Variants in FSIP2 observed in about 807,000 individuals in gnomAD.
FSIP2 encodes fibrous sheath-interacting protein 2.
A neutral mutation model predicts 510.5 loss-of-function variants in FSIP2; 367 were observed. The ratio of observed to expected loss-of-function variants is 0.72; its 90% CI spans 0.66 to 0.78. The LOEUF (loss-of-function observed/expected upper bound fraction) is 0.78. Ranked by LOEUF, FSIP2 falls within the 30% of genes least tolerant of loss-of-function variation. The pLI, the probability that FSIP2 is intolerant of heterozygous loss-of-function variation, is 0.00. For missense variants in FSIP2, 7,594 were observed against 7,901.7 expected (o/e 0.96, Z 1.48); for synonymous variants, 2,601 against 2,732.2 (o/e 0.95, Z 1.50).
chr2:185,777,618 T>A (rs1222763155), intron 13 of FSIP2, among the ~76,000 whole-genome samples: 1 of 152,128 alleles, frequency 6.6e-6, no homozygotes, highest in East Asian at 1.9e-4. Flanking sequence ...TAGTGGTGAA[T>A]TTTGACTTTT....
In FSIP2 at chr2:185,801,191, A is replaced by T. The variant is rs1376221756; in HGVS notation, c.11885A>T (p.His3962Leu). The change falls in exon 17 of 23, where the codon CAT becomes CTT. Residue 3962 changes from histidine to leucine, a missense_variant. Physicochemically the swap from His to Leu is moderately conservative, Grantham distance 99. Transcript: ENST00000424728. ...MDKVAIHNKL[H>L]QEGIYAGVYS... ...AAGGTAGCCATTCATAATAAGCTAC[A>T]TCAGGAAGGTATATATGCTGGTGTT... The T allele has an allele frequency of 6.5e-7, 1 of 1,534,206 alleles. No individual in the cohort carries two copies. The highest frequency in any genetic ancestry group is 2.4e-5 in the East Asian group (1 of 40,820).
chr2:185,799,969 G>A lies in FSIP2; in HGVS notation c.10663G>A (p.Glu3555Lys). 6.5e-7 allele frequency: 1 copy of A among 1,527,862 alleles called. No individual in the cohort carries two copies. The highest frequency in any genetic ancestry group is 8.8e-7 in the Non-Finnish European group (1 of 1,141,092). The allele number at this position is 1,527,862 out of a possible 1,614,324, so 94.6% of individuals were successfully genotyped here. Residue 3555 changes from glutamate to lysine, a missense_variant, in exon 17 of 23, where the codon GAA (glutamate) becomes AAA (lysine). Glu to Lys is a moderately conservative substitution (Grantham distance 56). Transcript: ENST00000424728. ...VFESRSISIG[E>K]LALCISEIII... The stretch of plus-strand genomic sequence containing the variant: ...TGAGAGCAGGTCAATTTCCATTGGA[G>A]AACTTGCTTTATGTATTTCTGAAAT...
chr2:185,825,061 T>C (rs888910158), intron 20 of FSIP2, among the ~76,000 whole-genome samples: 3 of 151,846 alleles, frequency 2.0e-5, no homozygotes, highest in Non-Finnish European at 4.4e-5. Flanking sequence ...TAGAGTGTCA[T>C]GTTTACTATA....
chr2:185,812,540 GAGAA>G (rs1250629004), intron 17 of FSIP2, among the ~76,000 whole-genome samples: 1 of 152,058 alleles, frequency 6.6e-6, no homozygotes, highest in East Asian at 1.9e-4. Flanking sequence ...CAGCAGTGAA[GAGAA>G]AGAAAGGTTA....
chr2:185,790,870 G>C lies in FSIP2; in HGVS notation c.3734G>C (p.Trp1245Ser). The change falls in exon 16 of 23, where the codon TGG (tryptophan) becomes TCG (serine). Residue 1245 changes from tryptophan (W) to serine (S), a missense_variant. Coordinates refer to ENST00000424728, the MANE Select transcript of FSIP2 (RefSeq NM_173651.4). ...LFDVDPEKPP[W>S]LKSGKSEPKP... ...GACGTTGATCCTGAAAAGCCTCCCT[G>C]GTTAAAATCTGGAAAAAGTGAACCT... is the stretch of plus-strand genomic sequence containing the variant. 6.5e-7 allele frequency: 1 copy of C among 1,531,848 alleles called. No homozygotes were observed. The highest frequency in any genetic ancestry group is 8.7e-7 in the Non-Finnish European group (1 of 1,144,470). 94.9% of individuals were successfully genotyped at this position (1,531,848 alleles called of 1,614,324 possible). A position where few individuals can be genotyped will look rare whatever the true frequency, so the allele number is the denominator to read the frequency against.
intron 14 of FSIP2, chr2:185,783,652 G>A (rs980473223): frequency 3.3e-5 from 5 of 152,064 alleles, no homozygotes; most frequent in African/African-American, 1.2e-4. Context: ...GAAGGAAACT[G>A]GCTTGTCTAG....
At chr2:185,772,567 C>T (rs1574168063) in intron 13 of FSIP2, among the ~76,000 whole-genome samples, 2 of 152,130 alleles carry the variant, frequency 1.3e-5, no homozygotes, top group African/African-American at 4.8e-5. Context: ...CATGTGAACT[C>T]AGCACAAGAA....
chr2:185,789,247 C>T lies in FSIP2; in HGVS notation c.2111C>T (p.Thr704Ile), dbSNP rs747962374. Residue 704 changes from threonine (T) to isoleucine (I), a missense_variant, in exon 16 of 23, where the codon ACT becomes ATT. Physicochemically the swap from Thr to Ile is moderately conservative, Grantham distance 89 (BLOSUM62 -1). Coordinates refer to ENST00000424728, the MANE Select transcript of FSIP2 (RefSeq NM_173651.4). ...TTTAAATGTTACTTGAAAGGGGAAA[C>T]TGAAGTGATTTTAGAAAGCATTTTG... is the stretch of plus-strand genomic sequence containing the variant. ...VNFKCYLKGE[T>I]EVILESILRE... is the part of the protein sequence containing the mutation. The T allele has an allele frequency of 3.5e-5, 54 of 1,534,354 alleles. No individual in the cohort carries two copies. Among genetic ancestry groups the T allele is most frequent in the Non-Finnish European group, 4.5e-5 (51 of 1,145,864 alleles).
chr2:185,778,630 G>C (rs1279039682), intron 13 of FSIP2, among the ~76,000 whole-genome samples: 3 of 151,874 alleles, frequency 2.0e-5, no homozygotes, highest in African/African-American at 7.2e-5. Flanking sequence ...CAACCATAAA[G>C]AGGAATCTAG....
intron 10 of FSIP2, among the ~76,000 whole-genome samples, chr2:185,761,310 C>T (rs1343122752): frequency 6.6e-6 from 1 of 150,922 alleles, no homozygotes; most frequent in Non-Finnish European, 1.5e-5. Flanking sequence ...CAGAAAATAA[C>T]CCAAACAAAC....
In FSIP2 at chr2:185,804,475, A is replaced by C. The variant is rs1007714640; in HGVS notation, c.15169A>C (p.Ile5057Leu). The change falls in exon 17 of 23, where the codon ATA becomes CTA. Residue 5057 changes from isoleucine (I) to leucine (L), a missense_variant. Coordinates refer to ENST00000424728, the MANE Select transcript of FSIP2 (RefSeq NM_173651.4). ...TGACACAATATGTTTTGGTAGGAAA[A>C]TATATTATTTGCTATTGGAAGAAAT... ...QSDTICFGRK[I>L]YYLLLEEIYD... 2 of 1,517,362 alleles carry C rather than the reference A, an allele frequency of 1.3e-6. No individual in the cohort carries two copies. Among genetic ancestry groups the C allele is most frequent in the African/African-American group, 2.8e-5 (2 of 72,000 alleles). The allele number at this position is 1,517,362 out of a possible 1,614,324, so 94.0% of individuals were successfully genotyped here.
At position 185,800,325 on chromosome 2, in the gene FSIP2, A is replaced by C; in HGVS notation, c.11019A>C (p.Leu3673Phe). Reference protein sequence around the residue: ...QIGQLFQKNKLSYLACKLNSL... With the variant: ...QIGQLFQKNKFSYLACKLNSL... Reference sequence around the variant, plus strand: ...GTCAACTTTTTCAAAAAAATAAGTTAAGTTATCTTGCATGTAAGTTAAACA... The same window carrying C: ...GTCAACTTTTTCAAAAAAATAAGTTCAGTTATCTTGCATGTAAGTTAAACA... The change falls in exon 17 of 23, where the codon TTA (leucine) becomes TTC (phenylalanine). Residue 3673 changes from leucine to phenylalanine, a missense_variant. Leu to Phe is a conservative substitution (Grantham distance 22, BLOSUM62 0). Coordinates refer to ENST00000424728, the MANE Select transcript of FSIP2 (RefSeq NM_173651.4). The C allele has an allele frequency of 6.5e-7, 1 of 1,533,654 alleles. No homozygotes were observed. Among genetic ancestry groups the C allele is most frequent in the Non-Finnish European group, 8.7e-7 (1 of 1,145,454 alleles).
intron 20 of FSIP2, 27 bp from the exon 21 acceptor site, chr2:185,828,129 T>C (rs1172521654): frequency 7.2e-7 from 1 of 1,380,796 alleles, no homozygotes; most frequent in Non-Finnish European, 1.0e-6. Flanking sequence ...AGAGACTATT[T>C]TACTTTTTTT....
intron 21 of FSIP2, among the ~76,000 whole-genome samples, chr2:185,829,695 A>C (rs1016962679): frequency 3.3e-5 from 5 of 151,968 alleles, no homozygotes; most frequent in African/African-American, 9.7e-5. Flanking sequence ...CAATAGGGAA[A>C]GGGTCCTCAG....
In FSIP2 at chr2:185,805,244, T is replaced by C; in HGVS notation, c.15938T>C (p.Leu5313Pro). Reference sequence around the variant, plus strand: ...GAGCTAGATATTATGGGCTTGGCTCTAAAACTTGCAAATTCTCTGATAAGG... The same window carrying C: ...GAGCTAGATATTATGGGCTTGGCTCCAAAACTTGCAAATTCTCTGATAAGG... ...MAELDIMGLA[L>P]KLANSLIREF... is the part of the protein sequence containing the mutation. The change falls in exon 17 of 23, where the codon CTA becomes CCA. Residue 5313 changes from leucine to proline, a missense_variant. Transcript: ENST00000424728. The C allele has an allele frequency of 6.3e-7, 1 of 1,592,178 alleles. No individual in the cohort carries two copies. The highest frequency in any genetic ancestry group is 1.2e-5 in the South Asian group (1 of 86,774).
chr2:185,815,239 C>G, intron 18 of FSIP2, 132 bp from the exon 19 acceptor site: 1 of 584,796 alleles, frequency 1.7e-6, no homozygotes, highest in South Asian at 2.2e-5. Context: ...TTATAGGGCC[C>G]ACACCCATCT....
rs1170904097 is a variant in FSIP2, at chr2:185,794,566, A to C, written c.7430A>C (p.Asn2477Thr). Residue 2477 changes from asparagine to threonine, a missense_variant, in exon 16 of 23, where the codon AAC (asparagine) becomes ACC (threonine). Transcript: ENST00000424728. ...TTTATGAGAAATGGAGAATCAAAAA[A>C]CAAAGAAAAAGGTGAACTGCTCATT... ...EIFMRNGESK[N>T]KEKGELLIAV... 10 of 1,531,320 alleles carry C rather than the reference A, an allele frequency of 6.5e-6. No individual in the cohort carries two copies. Among genetic ancestry groups the C allele is most frequent in the Admixed American group, 2.0e-5 (1 of 50,352 alleles). 94.9% of individuals were successfully genotyped at this position (1,531,320 alleles called of 1,614,324 possible). A position where few individuals can be genotyped will look rare whatever the true frequency, so the allele number is the denominator to read the frequency against.
chr2:185,749,605 T>C (rs1692103396), intron 7 of FSIP2, among the ~76,000 whole-genome samples: 1 of 151,854 alleles, frequency 6.6e-6, no homozygotes, highest in Admixed American at 6.6e-5. Context: ...GTTTTATTTC[T>C]TCTGATGAGT....
chr2:185,792,796 G>GAA lies in FSIP2; in HGVS notation c.5662_5663dup (p.Ser1890ProfsTer26). 6.5e-7 allele frequency: 1 copy of GAA among 1,534,302 alleles called. No individual in the cohort carries two copies. Among genetic ancestry groups the GAA allele is most frequent in the East Asian group, 2.4e-5 (1 of 40,840 alleles). ...TCTTCTCATGAACACACCTATAAAG[G>GAA]AAAGTCCTCTGTCACGGCTTTGGAT... On this transcript the variant is annotated frameshift_variant, in exon 16 of 23. Coordinates refer to ENST00000424728, the MANE Select transcript of FSIP2 (RefSeq NM_173651.4). LOFTEE classifies it high-confidence loss of function.
Sources: allele counts gnomAD v4.1 joint callset (sites outside exome capture counted in the v4.1 genomes callset), GRCh38; gene constraint gnomAD v4.1.1; transcripts MANE v1.5; gene names NCBI Gene and HGNC (gene_info 2026-07-23, HGNC 2026-07-21).